The following RIMBP2 variants were observed in gnomAD, a reference collection of about 807,000 sequenced individuals.
The protein encoded by RIMBP2 is RIMS-binding protein 2.
RIMBP2 carries 48 observed loss-of-function variants against 118.6 expected under a neutral mutation model. The ratio of observed to expected loss-of-function variants is 0.40; its 90% CI spans 0.32 to 0.51. RIMBP2 has a LOEUF of 0.51. RIMBP2 is among the 20% of genes least tolerant of loss of function. The pLI, the probability that RIMBP2 is intolerant of heterozygous loss-of-function variation, is 0.41. For synonymous variants in RIMBP2, 762 were observed against 742.9 expected, an observed-to-expected ratio of 1.03 and a Z score of -0.42; for missense variants, 1,551 against 1,768.3, an observed-to-expected ratio of 0.88 and a Z score of 2.20.
At chr12:130,443,222 G>A (rs960322941) in intron 10 of RIMBP2, among the ~76,000 whole-genome samples, 1 of 151,222 alleles carries the variant, frequency 6.6e-6, no homozygotes, top group Non-Finnish European at 1.5e-5. Flanking sequence ...TATCAATTTG[G>A]TGTCAGAACC....
intron 7 of RIMBP2, among the ~76,000 whole-genome samples, chr12:130,455,444 TG>T (rs2079350271): frequency 6.6e-6 from 1 of 152,216 alleles, no homozygotes; most frequent in South Asian, 2.1e-4. Context: ...GCATGCAGCC[TG>T]GGTGTCGTGA....
intron 2 of RIMBP2, among the ~76,000 whole-genome samples, chr12:130,600,159 C>T (rs879759668): frequency 2.0e-4 from 30 of 152,156 alleles, no homozygotes; most frequent in Non-Finnish European, 1.2e-4. Context: ...ACCTGTGCCC[C>T]GACCACCTTA....
At chr12:130,552,997 C>T (rs2055961066) in intron 2 of RIMBP2, among the ~76,000 whole-genome samples, 1 of 151,548 alleles carries the variant, frequency 6.6e-6, no homozygotes, top group South Asian at 2.1e-4. Context: ...CTAAAAAATA[C>T]AAAAAATTAG....
chr12:130,467,935 G>A (rs2080644599), intron 6 of RIMBP2, among the ~76,000 whole-genome samples: 1 of 152,182 alleles, frequency 6.6e-6, no homozygotes, highest in South Asian at 2.1e-4. Flanking sequence ...CGTGTGCTCA[G>A]GCATTTTATG....
intron 4 of RIMBP2, among the ~76,000 whole-genome samples, chr12:130,481,850 C>T (rs1232342803): frequency 6.6e-6 from 1 of 152,228 alleles, no homozygotes; most frequent in Non-Finnish European, 1.5e-5. Context: ...CCCCCCGCCC[C>T]GCTGGGCTGT....
chr12:130,470,736 A>G lies in RIMBP2; in HGVS notation c.110T>C (p.Val37Ala), dbSNP rs886949266. The change falls in exon 6 of 23, where the codon GTT becomes GCT. Residue 37 changes from valine (V) to alanine (A), a missense_variant. Physicochemically the swap from Val to Ala is moderately conservative, Grantham distance 64. Transcript: ENST00000690449. ...GCCTTCATGCTCCTTCTTAGCCTCAACCTGAGCCTTTTTTATGATGAAAAG... is the reference window on the plus strand; with the variant it reads ...GCCTTCATGCTCCTTCTTAGCCTCAGCCTGAGCCTTTTTTATGATGAAAAG... Reference protein sequence around the residue: ...QEIDLLQKAQVEAKKEHEGAV... With the variant: ...QEIDLLQKAQAEAKKEHEGAV... 1 of 1,231,772 alleles carries G rather than the reference A, an allele frequency of 8.1e-7. No individual in the cohort carries two copies. The highest frequency in any genetic ancestry group is 1.0e-6 in the Non-Finnish European group (1 of 987,720). 76.3% of individuals were successfully genotyped at this position (1,231,772 alleles called of 1,614,324 possible).
At chr12:130,435,459 T>C (rs898909738) in intron 13 of RIMBP2, among the ~76,000 whole-genome samples, 24 of 152,176 alleles carry the variant, frequency 1.6e-4, no homozygotes, top group Admixed American at 1.2e-3. Context: ...GTCTGAAACA[T>C]AGGACTTGGA....
chr12:130,501,504 C>T lies in RIMBP2; in HGVS notation c.-4+5144G>A, dbSNP rs558472528. On this transcript the variant is annotated intron_variant, in intron 4 of 22. Coordinates refer to ENST00000690449, the MANE Select transcript of RIMBP2 (RefSeq NM_001393629.1). ...CAGGTAGAAGCACCTTCCCATGAGA[C>T]GCACCGCAGTGCCATGTCAGTTTAC... Among the ~76,000 whole-genome samples, 120 of 152,340 alleles carry T rather than the reference C, an allele frequency of 7.9e-4. 1 individual carries two copies. The highest frequency in any genetic ancestry group is 2.7e-3 in the African/African-American group (111 of 41,582).
At position 130,657,363 on chromosome 12, in the gene RIMBP2, C is replaced by T. The variant is rs536231548; in HGVS notation, c.-351-28907G>A. On this transcript the variant is annotated intron_variant, in intron 1 of 22. Coordinates refer to ENST00000690449, the MANE Select transcript of RIMBP2 (RefSeq NM_001393629.1). ...TTTGTGGGATGGGAGGGCCACAATTCAGCTCATAACAGCCAGGAAATAAAG... is the reference window on the plus strand; with the variant it reads ...TTTGTGGGATGGGAGGGCCACAATTTAGCTCATAACAGCCAGGAAATAAAG... 2.6e-5 allele frequency among the ~76,000 whole-genome samples: 4 copies of T among 152,290 alleles called. No individual in the cohort carries two copies. The South Asian group carries it at 8.3e-4, about 32-fold the overall frequency.
rs2060689707 is a variant in RIMBP2 at position 130,613,466 on chromosome 12, T to C, written c.-217+14856A>G. Among the ~76,000 whole-genome samples, 5 of 151,240 alleles carry C rather than the reference T, an allele frequency of 3.3e-5. 1 individual carries two copies. Among genetic ancestry groups the C allele is most frequent in the African/African-American group, 1.2e-4 (5 of 41,136 alleles). ...GGACAGCACAGAAGGAGGTAGAGGGTGGATCTGGGAGGCAAGCAGGGAACG... is the reference window on the plus strand; with the variant it reads ...GGACAGCACAGAAGGAGGTAGAGGGCGGATCTGGGAGGCAAGCAGGGAACG... On this transcript the variant is annotated intron_variant, in intron 2 of 22. Coordinates refer to ENST00000690449, the MANE Select transcript of RIMBP2 (RefSeq NM_001393629.1).
rs1214389557 is a variant in RIMBP2, at chr12:130,710,252, C to T, written c.-352+5970G>A. On this transcript the variant is annotated intron_variant, in intron 1 of 22. Transcript: ENST00000690449. The surrounding 1 kb of genome is among the most constrained non-coding windows in gnomAD (Gnocchi z 4.3). The stretch of plus-strand genomic sequence containing the variant: ...TCCCAGGTGTCTGCACCTCTGGCTC[C>T]TTCTCAGGGTCCTGTCTCAGCTTCA... Among the ~76,000 whole-genome samples, 1 of 152,148 alleles carries T rather than the reference C, an allele frequency of 6.6e-6. No individual in the cohort carries two copies. Among genetic ancestry groups the T allele is most frequent in the Admixed American group, 6.5e-5 (1 of 15,282 alleles).
chr12:130,600,864 T>C (rs2059834187), intron 2 of RIMBP2, among the ~76,000 whole-genome samples: 2 of 152,228 alleles, frequency 1.3e-5, no homozygotes, highest in African/African-American at 4.8e-5. Context: ...ACCAAGCTGC[T>C]ACAACGCTGC....
rs984729394 is a variant in RIMBP2 at position 130,420,373 on chromosome 12, T to C, written c.3238+2080A>G. Among the ~76,000 whole-genome samples the C allele has an allele frequency of 6.6e-6, 1 of 152,222 alleles. No homozygotes were observed. Among genetic ancestry groups the C allele is most frequent in the Non-Finnish European group, 1.5e-5 (1 of 68,044 alleles). ...ATAGGTTTGTCAGTTAACTCTTTTC[T>C]GAGTTATGTTCAGAGGCTTTTTCCT... is the stretch of plus-strand genomic sequence containing the variant. On this transcript the variant is annotated intron_variant, in intron 17 of 22. Transcript: ENST00000690449. This position sits in a 1 kb window ranked among gnomAD's most constrained non-coding sequence, Gnocchi z 4.3.
intron 6 of RIMBP2, among the ~76,000 whole-genome samples, chr12:130,466,637 C>T (rs1019300506): frequency 6.6e-6 from 1 of 152,122 alleles, no homozygotes; most frequent in South Asian, 2.1e-4. Context: ...ATAAGATAGC[C>T]GCAAAGATTA....
chr12:130,713,307 C>T (rs1006601768), intron 1 of RIMBP2, among the ~76,000 whole-genome samples: 2 of 149,574 alleles, frequency 1.3e-5, no homozygotes, highest in Non-Finnish European at 2.9e-5. Flanking sequence ...AACCTTTGCA[C>T]ACAAGGGTGG....
At chr12:130,657,624 G>C (rs917000218) in intron 1 of RIMBP2, among the ~76,000 whole-genome samples, 1 of 151,996 alleles carries the variant, frequency 6.6e-6, no homozygotes, top group East Asian at 1.9e-4. Flanking sequence ...CAGAAGGGCT[G>C]TGCGGGGGCA....
Position 130,469,275 on chromosome 12 carries a change from G to A in RIMBP2, c.153+1418C>T, listed in dbSNP as rs1041165158. ...TGTTTTTCGAACCAAAGCACGCTGC[G>A]TTGCGACCGTCACCACATTTGAAAG... On this transcript the variant is annotated intron_variant, in intron 6 of 22. Coordinates refer to ENST00000690449, the MANE Select transcript of RIMBP2 (RefSeq NM_001393629.1). This position sits in a 1 kb window ranked among gnomAD's most constrained non-coding sequence, Gnocchi z 4.8. The A allele has an allele frequency of 7.9e-5, 12 of 152,438 alleles. No individual in the cohort carries two copies. The highest frequency in any genetic ancestry group is 3.9e-4 in the Admixed American group (6 of 15,282). 9.4% of individuals were successfully genotyped at this position (152,438 alleles called of 1,614,324 possible). A position where few individuals can be genotyped will look rare whatever the true frequency, so the allele number is the denominator to read the frequency against.
intron 2 of RIMBP2, among the ~76,000 whole-genome samples, chr12:130,579,733 C>T (rs572079226): frequency 5.3e-5 from 8 of 151,986 alleles, no homozygotes; most frequent in South Asian, 4.2e-4. Flanking sequence ...CACTCGTGCC[C>T]GGTCAATAAA....
intron 2 of RIMBP2, among the ~76,000 whole-genome samples, chr12:130,606,237 G>A (rs748393112): frequency 2.0e-5 from 3 of 152,198 alleles, no homozygotes; most frequent in African/African-American, 4.8e-5. Context: ...TTACACACAG[G>A]TGTTTTCTTG....
Sources: allele counts gnomAD v4.1 joint callset (sites outside exome capture counted in the v4.1 genomes callset), GRCh38; gene constraint gnomAD v4.1.1; non-coding constraint Gnocchi (gnomAD v3.1); transcripts MANE v1.5; gene names NCBI Gene and HGNC (gene_info 2026-07-23, HGNC 2026-07-21).